Variants in ARK2N observed in about 807,000 individuals in gnomAD.
ARK2N encodes arkadia (RNF111) N-terminal like PKA signaling regulator 2N.
the ARK2N span, chr18:46,253,832 C>G: frequency 6.3e-7 from 1 of 1,594,774 alleles, no homozygotes. Flanking sequence ...AGGTAGGATA[C>G]TAATTGGAGT....
chr18:46,208,228 A>G, the ARK2N span, among the ~76,000 whole-genome samples: 2 of 152,172 alleles, frequency 1.3e-5, no homozygotes, highest in African/African-American at 4.8e-5. Flanking sequence ...GATAAACTTC[A>G]GTACTACCTC....
At chr18:46,221,424 G>A in the ARK2N span, among the ~76,000 whole-genome samples, 1 of 151,280 alleles carries the variant, frequency 6.6e-6, no homozygotes, top group Admixed American at 6.6e-5. Context: ...GCCGGGTGTG[G>A]TGGCGCGCGT....
the ARK2N span, among the ~76,000 whole-genome samples, chr18:46,238,278 CT>C: frequency 6.6e-6 from 1 of 152,004 alleles, no homozygotes; most frequent in African/African-American, 2.4e-5. Context: ...GTACAAACAC[CT>C]AAGAAAAAGC....
chr18:46,241,819 T>C, the ARK2N span, among the ~76,000 whole-genome samples: 4 of 152,166 alleles, frequency 2.6e-5, no homozygotes, highest in Admixed American at 1.3e-4. Context: ...TATTTATTTA[T>C]TTATTTATTT....
chr18:46,235,539 C>T, the ARK2N span, among the ~76,000 whole-genome samples: 1 of 152,200 alleles, frequency 6.6e-6, no homozygotes, highest in African/African-American at 2.4e-5. Flanking sequence ...ACCATAACTC[C>T]GTGAAGACAC....
At chr18:46,227,988 A>G in the ARK2N span, among the ~76,000 whole-genome samples, 1 of 152,222 alleles carries the variant, frequency 6.6e-6, no homozygotes, top group African/African-American at 2.4e-5. Flanking sequence ...GCAACTTACA[A>G]TAAATAATGT....
the ARK2N span, among the ~76,000 whole-genome samples, chr18:46,207,640 G>A: frequency 6.6e-6 from 1 of 152,024 alleles, no homozygotes; most frequent in East Asian, 1.9e-4. Flanking sequence ...CACCTGCCTT[G>A]GTGTCCCAAA....
At chr18:46,226,652 C>T in the ARK2N span, among the ~76,000 whole-genome samples, 1 of 152,130 alleles carries the variant, frequency 6.6e-6, no homozygotes, top group Non-Finnish European at 1.5e-5. Flanking sequence ...TTTTTATGTG[C>T]AGCCTGGGAT....
chr18:46,222,618 T>G, the ARK2N span, among the ~76,000 whole-genome samples: 2 of 152,212 alleles, frequency 1.3e-5, no homozygotes, highest in Non-Finnish European at 2.9e-5. Context: ...AAGGTCTTTT[T>G]CTCAAAATAG....
the ARK2N span, among the ~76,000 whole-genome samples, chr18:46,199,798 C>T: frequency 1.9e-4 from 29 of 152,256 alleles, no homozygotes; most frequent in African/African-American, 6.7e-4. Flanking sequence ...TTCAGCTCTG[C>T]TGACTCCTGG....
chr18:46,221,817 C>T, the ARK2N span, among the ~76,000 whole-genome samples: 1 of 152,084 alleles, frequency 6.6e-6, no homozygotes. Flanking sequence ...ATCCATGAAG[C>T]GCAGTAATTG....
the ARK2N span, among the ~76,000 whole-genome samples, chr18:46,179,990 A>C: frequency 6.6e-6 from 1 of 152,180 alleles, no homozygotes; most frequent in African/African-American, 2.4e-5. Flanking sequence ...TGTTATACAG[A>C]TTTATCGGAA....
the ARK2N span, among the ~76,000 whole-genome samples, chr18:46,186,872 T>G: frequency 6.7e-6 from 1 of 148,956 alleles, no homozygotes; most frequent in Non-Finnish European, 1.5e-5. Flanking sequence ...TTTTTTTTTT[T>G]AGATGGAGTT....
At chr18:46,233,044 G>A in the ARK2N span, 1 of 151,956 alleles carries the variant, frequency 6.6e-6, no homozygotes, top group Non-Finnish European at 1.5e-5. Context: ...GAAATAAATG[G>A]TATTAGTTTC....
the ARK2N span, among the ~76,000 whole-genome samples, chr18:46,176,345 T>C: frequency 2.0e-5 from 3 of 152,246 alleles, no homozygotes; most frequent in Non-Finnish European, 4.4e-5. Context: ...ATCTTAGATC[T>C]TCCTCATTTT....
the ARK2N span, among the ~76,000 whole-genome samples, chr18:46,221,196 C>T: frequency 6.6e-6 from 1 of 151,772 alleles, no homozygotes; most frequent in Non-Finnish European, 1.5e-5. Context: ...AGTGTTCATG[C>T]ATTGTATTCT....
the ARK2N span, among the ~76,000 whole-genome samples, chr18:46,258,036 C>T: frequency 0.057 from 8,706 of 152,024 alleles, 340 homozygotes; most frequent in East Asian, 0.13. Flanking sequence ...AAGCAATTCT[C>T]CTGCCTCAGC....
the ARK2N span, among the ~76,000 whole-genome samples, chr18:46,261,424 A>G: frequency 2.0e-5 from 3 of 152,200 alleles, no homozygotes; most frequent in Non-Finnish European, 4.4e-5. Context: ...GAATTGTCCA[A>G]TGAGATAATA....
At chr18:46,229,802 C>G in the ARK2N span, among the ~76,000 whole-genome samples, 1 of 152,080 alleles carries the variant, frequency 6.6e-6, no homozygotes, top group African/African-American at 2.4e-5. Context: ...TGGGGTCTTG[C>G]TCTGTTGCCC....
Sources: allele counts gnomAD v4.1 joint callset (sites outside exome capture counted in the v4.1 genomes callset), GRCh38; gene constraint gnomAD v4.1.1; transcripts MANE v1.5; gene names NCBI Gene and HGNC (gene_info 2026-07-23, HGNC 2026-07-21).